Variants in SLC28A2 observed in about 807,000 individuals in gnomAD.
SLC28A2 encodes sodium/nucleoside cotransporter 2.
SLC28A2 carries 69 observed loss-of-function variants against 72.9 expected under a neutral mutation model. The ratio of observed to expected loss-of-function variants is 0.95; its 90% CI spans 0.78 to 1.16. SLC28A2 has a LOEUF of 1.16. Among genes scored for constraint, SLC28A2 ranks in the 50% most tolerant of loss-of-function variants. The pLI, the probability that SLC28A2 is intolerant of heterozygous loss-of-function variation, is 0.00. For missense variants in SLC28A2, 745 were observed against 791.1 expected, an observed-to-expected ratio of 0.94 and a Z score of 0.70; for synonymous variants, 296 against 294.1, an observed-to-expected ratio of 1.01 and a Z score of -0.07.
At chr15:45,254,336 G>A (rs992323722) in intron 3 of SLC28A2, among the ~76,000 whole-genome samples, 4 of 152,150 alleles carry the variant, frequency 2.6e-5, no homozygotes, top group Non-Finnish European at 4.4e-5. Flanking sequence ...GTATAATCAT[G>A]TATATCAACG....
At chr15:45,269,071 G>T (rs1378645464) in intron 13 of SLC28A2, among the ~76,000 whole-genome samples, 1 of 151,234 alleles carries the variant, frequency 6.6e-6, no homozygotes, top group East Asian at 1.9e-4. Context: ...AATGCTAAAT[G>T]ACGAGTTGAT....
chr15:45,254,579 T>C (rs1382596464), intron 3 of SLC28A2, among the ~76,000 whole-genome samples: 2 of 152,220 alleles, frequency 1.3e-5, no homozygotes, highest in Admixed American at 6.5e-5. Context: ...ATAAGTACAC[T>C]GTAAGATGTT....
At chr15:45,252,401 G>A (rs1057036009) in intron 1 of SLC28A2, 123 bp downstream of exon 1, 6 of 420,756 alleles carry the variant, frequency 1.4e-5, no homozygotes, top group African/African-American at 1.2e-4. Flanking sequence ...CACAATATAA[G>A]TTGGTTATGT....
chr15:45,269,986 C>G (rs975727920), intron 14 of SLC28A2, among the ~76,000 whole-genome samples: 1 of 152,160 alleles, frequency 6.6e-6, no homozygotes, highest in Admixed American at 6.5e-5. Context: ...TCAACAGGAA[C>G]AGCGTTGGGC....
At chr15:45,258,432 G>A (rs536200506) in intron 3 of SLC28A2, among the ~76,000 whole-genome samples, 1 of 151,830 alleles carries the variant, frequency 6.6e-6, no homozygotes, top group South Asian at 2.1e-4. Context: ...TATGACCATC[G>A]ACCAGATGAA....
Position 45,266,083 on chromosome 15 carries a change from C to T in SLC28A2, c.864C>T (p.Val288=), listed in dbSNP as rs138667523. 147 of 1,609,152 alleles carry T rather than the reference C, an allele frequency of 9.1e-5. No individual in the cohort carries two copies. The African/African-American group carries it at 1.3e-3, about 14-fold the overall frequency. ...TTTAGGTTTCTGTATTCTTCTAGGT[C>T]GCCTGGTTTTTACAAATCACTATGG... ...LGLVQWVVQK[V]AWFLQITMGT... The change falls in exon 10 of 18, where the codon GTC becomes GTT. Residue 288 remains valine (V), a splice_region_variant and synonymous_variant. Transcript: ENST00000347644.
chr15:45,272,232 A>G (rs1469785547), intron 15 of SLC28A2, 63 bp from the exon 16 acceptor site: 1 of 1,335,794 alleles, frequency 7.5e-7, no homozygotes. Context: ...GTGGGGGCCC[A>G]TGGGATATAC....
Position 45,265,088 on chromosome 15 carries a change from G to C in SLC28A2, c.703-1G>C. ...CTGTCTTTTTCTTTTTTTCCCTTCAGATTTTCCTGAACTACACTGTGGCCG... is the reference window on the plus strand; with the variant it reads ...CTGTCTTTTTCTTTTTTTCCCTTCACATTTTCCTGAACTACACTGTGGCCG... On this transcript the variant is annotated splice_acceptor_variant, in intron 7 of 17. Coordinates refer to ENST00000347644, the MANE Select transcript of SLC28A2 (RefSeq NM_004212.4). LOFTEE classifies it high-confidence loss of function. The C allele has an allele frequency of 6.2e-7, 1 of 1,608,398 alleles. No individual in the cohort carries two copies. The highest frequency in any genetic ancestry group is 1.1e-5 in the South Asian group (1 of 90,960).
Position 45,268,263 on chromosome 15 carries a change from G to A in SLC28A2, c.1253G>A (p.Gly418Asp), listed in dbSNP as rs1185594112. ...AGCAACGGAGCCGTAGATGCCATAGGCCTTGCTACTAATGTAGCAGCCAAC... is the reference window on the plus strand; with the variant it reads ...AGCAACGGAGCCGTAGATGCCATAGACCTTGCTACTAATGTAGCAGCCAAC... ...AASNGAVDAI[G>D]LATNVAANLI... Residue 418 changes from glycine to aspartate, a missense_variant, in exon 13 of 18, where the codon GGC becomes GAC. Coordinates refer to ENST00000347644, the MANE Select transcript of SLC28A2 (RefSeq NM_004212.4). 1.9e-6 allele frequency: 3 copies of A among 1,612,346 alleles called. No homozygotes were observed. The highest frequency in any genetic ancestry group is 2.5e-6 in the Non-Finnish European group (3 of 1,178,604).
chr15:45,272,784 G>T lies in SLC28A2; in HGVS notation c.1859G>T (p.Ser620Ile). 6.5e-7 allele frequency: 1 copy of T among 1,534,958 alleles called. No homozygotes were observed. Among genetic ancestry groups the T allele is most frequent in the Non-Finnish European group, 9.0e-7 (1 of 1,107,744 alleles). Reference sequence around the variant, plus strand: ...ATGTGCTGCAGAGGGCTCTTTCAGAGGTGAGCACCAGGACCCCATTCCTTT... The same window carrying T: ...ATGTGCTGCAGAGGGCTCTTTCAGATGTGAGCACCAGGACCCCATTCCTTT... ...TYMCCRGLFQSTSLNGTNPPS... is the reference protein window; with the variant it reads ...TYMCCRGLFQITSLNGTNPPS... The change falls in exon 17 of 18, where the codon AGT (serine) becomes ATT (isoleucine). Residue 620 changes from serine to isoleucine, a missense_variant and splice_region_variant. By Grantham distance (142) the Ser-to-Ile change is moderately radical (BLOSUM62 -2). Coordinates refer to ENST00000347644, the MANE Select transcript of SLC28A2 (RefSeq NM_004212.4).
At chr15:45,259,798 A>G (rs1225021248) in intron 3 of SLC28A2, among the ~76,000 whole-genome samples, 1 of 152,204 alleles carries the variant, frequency 6.6e-6, no homozygotes, top group African/African-American at 2.4e-5. Flanking sequence ...AAAAATGACA[A>G]TATCATGCTA....
intron 15 of SLC28A2, 143 bp downstream of exon 15, chr15:45,270,419 C>T: frequency 1.5e-6 from 1 of 658,392 alleles, no homozygotes; most frequent in Non-Finnish European, 2.7e-6. Context: ...CTGCAGTTAA[C>T]TTGGACCTAA....
At chr15:45,263,749 C>T (rs1344598793) in intron 5 of SLC28A2, 132 bp from the exon 6 acceptor site, 1 of 803,130 alleles carries the variant, frequency 1.2e-6, no homozygotes, top group Non-Finnish European at 1.9e-6. Context: ...ACAGCAGCCA[C>T]AGCTCTAACA....
chr15:45,253,139 C>A, intron 1 of SLC28A2, 61 bp from the exon 2 acceptor site: 1 of 1,106,136 alleles, frequency 9.0e-7, no homozygotes, highest in Non-Finnish European at 1.4e-6. Context: ...TAAAAATTCT[C>A]CCCATCCCCA....
At chr15:45,270,985 C>T (rs887577156) in intron 15 of SLC28A2, among the ~76,000 whole-genome samples, 1 of 152,112 alleles carries the variant, frequency 6.6e-6, no homozygotes, top group East Asian at 1.9e-4. Flanking sequence ...AGGCTGCTCA[C>T]TAGTCATCCT....
intron 10 of SLC28A2, among the ~76,000 whole-genome samples, chr15:45,266,444 T>C (rs1235244243): frequency 1.7e-4 from 26 of 152,178 alleles, no homozygotes; most frequent in Non-Finnish European, 8.8e-5. Flanking sequence ...CTCGTCCAAT[T>C]CATATCCCCT....
Position 45,268,290 on chromosome 15 carries a change from T to C in SLC28A2, c.1280T>C (p.Leu427Pro), listed in dbSNP as rs770874812. ...IGLATNVAAN[L>P]IAFLAVLAFI... is the part of the protein sequence containing the mutation. ...CTTGCTACTAATGTAGCAGCCAACCTGATTGCCTTTTTGGCTGTGTTGGCC... is the reference window on the plus strand; with the variant it reads ...CTTGCTACTAATGTAGCAGCCAACCCGATTGCCTTTTTGGCTGTGTTGGCC... Residue 427 changes from leucine to proline, a missense_variant, in exon 13 of 18, where the codon CTG (leucine) becomes CCG (proline). Leu to Pro is a moderately conservative substitution (Grantham distance 98). Coordinates refer to ENST00000347644, the MANE Select transcript of SLC28A2 (RefSeq NM_004212.4). The C allele has an allele frequency of 1.9e-6, 3 of 1,612,730 alleles. No individual in the cohort carries two copies. Among genetic ancestry groups the C allele is most frequent in the Non-Finnish European group, 2.5e-6 (3 of 1,178,920 alleles).
intron 5 of SLC28A2, 127 bp from the exon 6 acceptor site, chr15:45,263,754 C>CT (rs1168419770): frequency 2.3e-5 from 20 of 857,736 alleles, no homozygotes; most frequent in Admixed American, 8.5e-5. Context: ...AGCCACAGCT[C>CT]TAACAATGGC....
At chr15:45,269,164 T>A (rs575952430) in intron 13 of SLC28A2, among the ~76,000 whole-genome samples, 174 bp from the exon 14 acceptor site, 3 of 151,410 alleles carry the variant, frequency 2.0e-5, no homozygotes, top group Admixed American at 6.6e-5. Context: ...ACTTAAAGTA[T>A]AATAATAATA....
Sources: gnomAD v4.1 joint callset for allele counts (sites outside exome capture counted in the v4.1 genomes callset) on GRCh38, gnomAD v4.1.1 for gene constraint, MANE v1.5 for transcripts, NCBI Gene and HGNC (gene_info 2026-07-23, HGNC 2026-07-21) for gene names.